Variants in HIVEP3 observed in about 807,000 individuals in gnomAD.
HIVEP3 encodes the protein transcription factor HIVEP3.
Under a neutral mutation model 152.8 loss-of-function variants are expected in HIVEP3, and 49 were observed. The ratio of observed to expected loss-of-function variants is 0.32; its 90% CI spans 0.26 to 0.41. HIVEP3 has a LOEUF of 0.41. Among genes scored for constraint, HIVEP3 ranks in the 10% least tolerant of loss-of-function variants. The probability of loss-of-function intolerance (pLI) is 1.00; values close to 1 mark genes in which losing one functional copy is unlikely to be tolerated. For missense variants in HIVEP3, 2,790 were observed against 3,103.3 expected (o/e 0.90, Z 2.40); for synonymous variants, 1,269 against 1,289.0 (o/e 0.98, Z 0.33).
At chr1:41,544,831 TCACCACCAC>T (rs1483052808) in intron 5 of HIVEP3, among the ~76,000 whole-genome samples, 2 of 10,168 alleles carry the variant, frequency 2.0e-4, no homozygotes, top group African/African-American at 4.2e-4. Context: ...ACCACCACCA[TCACCACCAC>T]CACTACCACC....
Position 41,506,400 on chromosome 1 carries a change from ATTC to A in HIVEP3, c.*4048_*4050del, listed in dbSNP as rs1229229524. On this transcript the variant is annotated 3_prime_UTR_variant, in exon 9 of 9. Coordinates refer to ENST00000372583, the MANE Select transcript of HIVEP3 (RefSeq NM_024503.5). ...TTTTCAAATTTATTCCAACATGCTAATTCTTTTTTTTTTAAAAAATATCCTCAG... is the reference window on the plus strand; with the variant it reads ...TTTTCAAATTTATTCCAACATGCTAATTTTTTTTTTAAAAAATATCCTCAG... 1 of 152,064 alleles carries A rather than the reference ATTC, an allele frequency of 6.6e-6. No individual in the cohort carries two copies. Among genetic ancestry groups the A allele is most frequent in the African/African-American group, 2.4e-5 (1 of 41,340 alleles). The allele number at this position is 152,064 out of a possible 1,614,324, so 9.4% of individuals were successfully genotyped here.
upstream of HIVEP3, among the ~76,000 whole-genome samples, chr1:41,921,530 A>G (rs1644941867): frequency 6.6e-6 from 1 of 152,144 alleles, no homozygotes; most frequent in African/African-American, 2.4e-5. Flanking sequence ...TGGCTTCTCC[A>G]GCCATGTGGA....
chr1:42,021,833 ATTC>A lies in HIVEP3; in HGVS notation n.119+13971_119+13973del, dbSNP rs1645556347. Among the ~76,000 whole-genome samples, 3 of 152,264 alleles carry A rather than the reference ATTC, an allele frequency of 2.0e-5. No homozygotes were observed. The South Asian group carries it at 6.2e-4, about 32-fold the overall frequency. ...GCTCTCCTGATCTTTCTGTCTGTCT[ATTC>A]TTCTGTCAGTTTTCATTCTTCATTT... On this transcript the variant is annotated intron_variant and non_coding_transcript_variant, in intron 1 of 3. Transcript: ENST00000489103.
At chr1:41,759,970 C>T (rs1341049525) in intron 1 of HIVEP3, among the ~76,000 whole-genome samples, 2 of 152,102 alleles carry the variant, frequency 1.3e-5, no homozygotes, top group African/African-American at 4.8e-5. Flanking sequence ...ATGGTAAAAC[C>T]TTGGTCAATT....
intron 2 of HIVEP3, among the ~76,000 whole-genome samples, chr1:41,629,932 A>C (rs10890150): frequency 0.63 from 95,166 of 152,054 alleles, 30,850 homozygotes; most frequent in African/African-American, 0.8. Flanking sequence ...TGAGTATATA[A>C]CCAAAGGAAA....
intron 3 of HIVEP3, among the ~76,000 whole-genome samples, chr1:41,618,668 C>CTAGG (rs1645003545): frequency 6.6e-6 from 1 of 152,168 alleles, no homozygotes; most frequent in Admixed American, 6.5e-5. Context: ...CCTGACCACC[C>CTAGG]CAGGCCCCAG....
chr1:42,026,275 G>A (rs1645581659), intron 1 of HIVEP3, among the ~76,000 whole-genome samples: 1 of 152,000 alleles, frequency 6.6e-6, no homozygotes, highest in Admixed American at 6.5e-5. Context: ...TCTCCACCTT[G>A]AGCAAGGCAC....
chr1:41,998,703 C>A (rs1570880690), intron 1 of HIVEP3, among the ~76,000 whole-genome samples: 1 of 151,990 alleles, frequency 6.6e-6, no homozygotes, highest in African/African-American at 2.4e-5. Context: ...AACAACTGAC[C>A]ATTTGAAATA....
At chr1:41,765,192 T>A (rs1170782098) in intron 1 of HIVEP3, among the ~76,000 whole-genome samples, 1 of 152,218 alleles carries the variant, frequency 6.6e-6, no homozygotes, top group African/African-American at 2.4e-5. Flanking sequence ...TGGCTTATTT[T>A]AATTAATTAA....
At chr1:41,807,890 CA>C (rs1650729561) in intron 1 of HIVEP3, among the ~76,000 whole-genome samples, 1 of 152,030 alleles carries the variant, frequency 6.6e-6, no homozygotes, top group African/African-American at 2.4e-5. Context: ...TGATGGGGGG[CA>C]GGGGGAAGGC....
rs904665608 is a variant in HIVEP3, at chr1:41,575,538, T to G, written c.5207+6A>C. 2.5e-6 allele frequency: 4 copies of G among 1,613,400 alleles called. No homozygotes were observed. The highest frequency in any genetic ancestry group is 3.4e-6 in the Non-Finnish European group (4 of 1,179,740). On this transcript the variant is annotated splice_donor_region_variant and intron_variant, in intron 5 of 8. Coordinates refer to ENST00000372583, the MANE Select transcript of HIVEP3 (RefSeq NM_024503.5). ...GCAGACGATGGAAACCAAACATGAGTCTTACCCTCCTTCGAAGATTTTGAT... is the reference window on the plus strand; with the variant it reads ...GCAGACGATGGAAACCAAACATGAGGCTTACCCTCCTTCGAAGATTTTGAT...
intron 5 of HIVEP3, among the ~76,000 whole-genome samples, chr1:41,568,177 C>G (rs1644197403): frequency 6.6e-6 from 1 of 152,216 alleles, no homozygotes; most frequent in South Asian, 2.1e-4. Context: ...CAGAAGCACA[C>G]TAGTAAATAC....
chr1:41,807,951 C>T (rs1326308165), intron 1 of HIVEP3, among the ~76,000 whole-genome samples: 3 of 152,142 alleles, frequency 2.0e-5, no homozygotes, highest in African/African-American at 7.2e-5. Context: ...CACTCAGCAG[C>T]CCATGCTGAC....
chr1:41,656,820 T>C (rs1645635820), intron 2 of HIVEP3, among the ~76,000 whole-genome samples: 2 of 152,198 alleles, frequency 1.3e-5, no homozygotes, highest in Admixed American at 6.5e-5. Flanking sequence ...AGGACCAGCA[T>C]CAGAGTCAAG....
intron 1 of HIVEP3, among the ~76,000 whole-genome samples, chr1:41,983,332 G>A (rs1262410250): frequency 6.6e-6 from 1 of 152,130 alleles, no homozygotes; most frequent in African/African-American, 2.4e-5. Context: ...AGAAGATCTA[G>A]ACATCAGTAA....
chr1:41,730,345 G>A (rs1246041464), intron 1 of HIVEP3, among the ~76,000 whole-genome samples: 1 of 152,222 alleles, frequency 6.6e-6, no homozygotes, highest in Admixed American at 6.5e-5. Flanking sequence ...AGCTGAGGGG[G>A]TGAGGAGTAG....
At chr1:41,955,202 T>C (rs781638375) in intron 1 of HIVEP3, among the ~76,000 whole-genome samples, 1 of 152,050 alleles carries the variant, frequency 6.6e-6, no homozygotes, top group Non-Finnish European at 1.5e-5. Context: ...AAGTAACTTA[T>C]CTTGGGAAAG....
rs545830408 is a variant in HIVEP3, at chr1:41,510,222, T to G, written c.*229A>C. 4.6e-4 allele frequency: 165 copies of G among 361,604 alleles called. 1 individual carries two copies. Among genetic ancestry groups the G allele is most frequent in the Non-Finnish European group, 6.7e-4 (136 of 202,620 alleles). The allele number at this position is 361,604 out of a possible 1,614,324, so 22.4% of individuals were successfully genotyped here. Reference sequence around the variant, plus strand: ...CTCAGACTCCTCGTGGGTTGTTGTTTTTTTTTTAAATGTATGTATGTGATT... The same window carrying G: ...CTCAGACTCCTCGTGGGTTGTTGTTGTTTTTTTAAATGTATGTATGTGATT... On this transcript the variant is annotated 3_prime_UTR_variant, in exon 9 of 9. Coordinates refer to ENST00000372583, the MANE Select transcript of HIVEP3 (RefSeq NM_024503.5).
At chr1:41,698,080 T>G (rs931879875) in intron 2 of HIVEP3, among the ~76,000 whole-genome samples, 1 of 152,226 alleles carries the variant, frequency 6.6e-6, no homozygotes, top group African/African-American at 2.4e-5. Context: ...TACATCTGTG[T>G]AAAGCTCTTA....
Sources: allele counts gnomAD v4.1 joint callset (sites outside exome capture counted in the v4.1 genomes callset), GRCh38; gene constraint gnomAD v4.1.1; transcripts MANE v1.5; gene names NCBI Gene and HGNC (gene_info 2026-07-23, HGNC 2026-07-21).